SH3PXD2B: variants seen among roughly 807,000 people sequenced by gnomAD.
SH3PXD2B encodes SH3 and PX domain-containing protein 2B.
Under a neutral mutation model 73.1 loss-of-function variants are expected in SH3PXD2B, and 37 were observed. The observed-to-expected ratio is 0.51, with a 90% confidence interval of 0.39 to 0.67. The LOEUF is 0.67. Ranked by LOEUF, SH3PXD2B falls within the 30% of genes least tolerant of loss-of-function variation. SH3PXD2B has a pLI of 0.00. For missense variants in SH3PXD2B, 1,053 were observed against 1,197.8 expected (o/e 0.88, Z 1.78); for synonymous variants, 457 against 480.5 (o/e 0.95, Z 0.64).
chr5:172,368,710 T>TA (rs1757627449), intron 6 of SH3PXD2B, among the ~76,000 whole-genome samples: 1 of 83,024 alleles, frequency 1.2e-5, no homozygotes, highest in South Asian at 3.6e-4. Flanking sequence ...TATATATATA[T>TA]TATATATATA....
chr5:172,350,372 C>T lies in SH3PXD2B; in HGVS notation c.1003G>A (p.Ala335Thr), dbSNP rs752574042. The T allele has an allele frequency of 1.1e-5, 18 of 1,613,380 alleles. No homozygotes were observed. Among genetic ancestry groups the T allele is most frequent in the East Asian group, 6.7e-5 (3 of 44,864 alleles). ...GGCGGGTGTCACTCACTCTGCTTGG[C>T]GTCACCGTCGGGCACCGGGCGGCCT... The part of the protein sequence containing the change: ...FEGRPVPDGD[A>T]KQRSPKMRQR... Residue 335 changes from alanine (A) to threonine (T), a missense_variant, in exon 10 of 13, where the codon GCC becomes ACC. Ala to Thr is a moderately conservative substitution (Grantham distance 58). Coordinates refer to ENST00000311601, the MANE Select transcript of SH3PXD2B (RefSeq NM_001017995.3).
intron 12 of SH3PXD2B, chr5:172,325,416 C>T (rs1454088840): frequency 1.4e-6 from 2 of 1,442,706 alleles, no homozygotes. Flanking sequence ...AGCAAATCTT[C>T]AGTCCTTTCC....
At chr5:172,348,095 T>C (rs558249864) in intron 10 of SH3PXD2B, among the ~76,000 whole-genome samples, 13 of 152,246 alleles carry the variant, frequency 8.5e-5, no homozygotes, top group African/African-American at 3.1e-4. Flanking sequence ...AAATTCCCAT[T>C]TACCTGTCTT....
At position 172,334,800 on chromosome 5, in the gene SH3PXD2B, T is replaced by C; in HGVS notation, c.*3569A>G. 3.0e-6 allele frequency: 3 copies of C among 985,516 alleles called. No homozygotes were observed. The highest frequency in any genetic ancestry group is 3.6e-6 in the Non-Finnish European group (3 of 829,970). The allele number at this position is 985,516 out of a possible 1,614,324, so 61.0% of individuals were successfully genotyped here. On this transcript the variant is annotated 3_prime_UTR_variant, in exon 13 of 13. Transcript: ENST00000311601. ...TCAGCCTAAGGTCCTTCTCAAGTCCTGGCACACTCAGCACTTGCTCTTTAA... is the reference window on the plus strand; with the variant it reads ...TCAGCCTAAGGTCCTTCTCAAGTCCCGGCACACTCAGCACTTGCTCTTTAA...
chr5:172,357,293 G>T (rs973550181), intron 8 of SH3PXD2B, among the ~76,000 whole-genome samples: 2 of 151,616 alleles, frequency 1.3e-5, no homozygotes, highest in Non-Finnish European at 2.9e-5. Flanking sequence ...GCGTGGTGGT[G>T]CATGCCTGTA....
rs930716758 is a variant in SH3PXD2B at position 172,337,169 on chromosome 5, C to T, written c.*1200G>A. ...GTCATGGAGATGCAGCTGTTGAGTC[C>T]AGGGCAGCCTTTGGTATAGGCTGCT... On this transcript the variant is annotated 3_prime_UTR_variant, in exon 13 of 13. Coordinates refer to ENST00000311601, the MANE Select transcript of SH3PXD2B (RefSeq NM_001017995.3). 1.1e-5 allele frequency: 11 copies of T among 985,412 alleles called. No individual in the cohort carries two copies. Among genetic ancestry groups the T allele is most frequent in the South Asian group, 9.4e-5 (2 of 21,288 alleles). 61.0% of individuals were successfully genotyped at this position (985,412 alleles called of 1,614,324 possible). A position where few individuals can be genotyped will look rare whatever the true frequency, so the allele number is the denominator to read the frequency against.
chr5:172,415,868 C>T (rs771895835), intron 2 of SH3PXD2B, among the ~76,000 whole-genome samples: 9 of 152,278 alleles, frequency 5.9e-5, no homozygotes, highest in South Asian at 2.1e-4. Flanking sequence ...GGGAAGGACC[C>T]GACACCAGGT....
chr5:172,452,617 A>T (rs955715217), intron 1 of SH3PXD2B, among the ~76,000 whole-genome samples: 1 of 152,006 alleles, frequency 6.6e-6, no homozygotes, highest in Admixed American at 6.6e-5. Flanking sequence ...GTGATAGGAG[A>T]GGCCAGAAGA....
chr5:172,353,826 C>T lies in SH3PXD2B; in HGVS notation c.785+62G>A. ...TCTGTGAGGCCAGAGTCCCTGTGAC[C>T]CCAAACCCACCCAGCGTGACCCCAA... On this transcript the variant is annotated intron_variant, in intron 9 of 12. Transcript: ENST00000311601. This position sits in a 1 kb window ranked among gnomAD's most constrained non-coding sequence, Gnocchi z 4.3. 7.2e-7 allele frequency: 1 copy of T among 1,388,748 alleles called. No homozygotes were observed. Among genetic ancestry groups the T allele is most frequent in the Non-Finnish European group, 1.0e-6 (1 of 976,264 alleles). 86.0% of individuals were successfully genotyped at this position (1,388,748 alleles called of 1,614,324 possible).
chr5:172,329,010 T>TATATATAC (rs1210395738), downstream of SH3PXD2B, among the ~76,000 whole-genome samples: 6 of 125,988 alleles, frequency 4.8e-5, no homozygotes, highest in East Asian at 1.3e-3. Context: ...GATACACACA[T>TATATATAC]ATATATACAT....
intron 2 of SH3PXD2B, among the ~76,000 whole-genome samples, chr5:172,414,812 G>GC (rs943739459): frequency 2.0e-5 from 3 of 152,138 alleles, no homozygotes; most frequent in South Asian, 2.1e-4. Flanking sequence ...CTGGTTCTGT[G>GC]CCCCCCTGCC....
rs151202498 is a variant in SH3PXD2B, at chr5:172,351,987, T to C, written c.786-1398A>G. On this transcript the variant is annotated intron_variant, in intron 9 of 12. Coordinates refer to ENST00000311601, the MANE Select transcript of SH3PXD2B (RefSeq NM_001017995.3). ...ATGGGAGGCGATGTGCAGTGCTGAC[T>C]GGGCTCTGGGGTGAGAAGGGAATGG... 7.0e-3 allele frequency among the ~76,000 whole-genome samples: 1,059 copies of C among 152,266 alleles called. 10 individuals carry two copies. Among genetic ancestry groups the C allele is most frequent in the South Asian group, 0.026 (123 of 4,822 alleles).
Position 172,359,387 on chromosome 5 carries a change from C to CAAAAAAAAAA in SH3PXD2B, c.563-520_563-511dup, listed in dbSNP as rs70982393. On this transcript the variant is annotated intron_variant, in intron 7 of 12. Transcript: ENST00000311601. Reference sequence around the variant, plus strand: ...GGGCGACAGAGTGAGACCCCCATCTCAAAAAAAAAAAAAAAAAAAAGTATA... The same window carrying CAAAAAAAAAA: ...GGGCGACAGAGTGAGACCCCCATCTCAAAAAAAAAAAAAAAAAAAAAAAAAAAAAAGTATA... 1.1e-3 allele frequency among the ~76,000 whole-genome samples: 96 copies of CAAAAAAAAAA among 84,054 alleles called. 2 individuals carry two copies. Among genetic ancestry groups the CAAAAAAAAAA allele is most frequent in the African/African-American group, 2.9e-3 (61 of 20,762 alleles). 55.1% of individuals were successfully genotyped at this position (84,054 alleles called of 152,430 possible). A position where few individuals can be genotyped will look rare whatever the true frequency, so the allele number is the denominator to read the frequency against.
chr5:172,376,921 C>G (rs1757834525), intron 5 of SH3PXD2B, among the ~76,000 whole-genome samples: 1 of 152,246 alleles, frequency 6.6e-6, no homozygotes, highest in African/African-American at 2.4e-5. Context: ...TGACCACCAC[C>G]TGGACCATCC....
At chr5:172,422,571 C>T in intron 1 of SH3PXD2B, 75 bp from the exon 2 acceptor site, 1 of 1,387,864 alleles carries the variant, frequency 7.2e-7, no homozygotes, top group South Asian at 1.2e-5. Context: ...AGGGGGAGCA[C>T]AAGACTCAGA....
chr5:172,340,289 G>T (rs1443137896), intron 12 of SH3PXD2B, among the ~76,000 whole-genome samples: 1 of 152,318 alleles, frequency 6.6e-6, no homozygotes, highest in South Asian at 2.1e-4. Context: ...ATCTGCCAGG[G>T]ACCCTCTGAG....
Position 172,339,089 on chromosome 5 carries a change from A to G in SH3PXD2B, c.2016T>C (p.Pro672=). ...ACAAGGACTTGTCTTGGGACTTGGC[A>G]GGCCTGAGCTTACTCCTGAGGTTGC... ...DICNLRSKLR[P]AKSQDKSLLD... is the part of the protein sequence containing the mutation. The change falls in exon 13 of 13, where the codon CCT becomes CCC. Residue 672 remains proline (P), a synonymous_variant. Transcript: ENST00000311601. This position sits in a 1 kb window ranked among gnomAD's most constrained non-coding sequence, Gnocchi z 6.1. 1 of 1,614,210 alleles carries G rather than the reference A, an allele frequency of 6.2e-7. No individual in the cohort carries two copies.
intron 1 of SH3PXD2B, among the ~76,000 whole-genome samples, chr5:172,442,331 T>C (rs1759567259): frequency 6.6e-6 from 1 of 152,220 alleles, no homozygotes; most frequent in Non-Finnish European, 1.5e-5. Flanking sequence ...GAAATATTTT[T>C]CAAAATTATG....
At position 172,445,716 on chromosome 5, in the gene SH3PXD2B, C is replaced by G. The variant is rs1759645119; in HGVS notation, c.75+8562G>C. On this transcript the variant is annotated intron_variant, in intron 1 of 12. Transcript: ENST00000311601. The surrounding 1 kb of genome is among the most constrained non-coding windows in gnomAD (Gnocchi z 5.2). ...CATTCTGCATTTTCATTTGCTAACTCTGGCCACCCTCAGCCCTGGGAAAGC... is the reference window on the plus strand; with the variant it reads ...CATTCTGCATTTTCATTTGCTAACTGTGGCCACCCTCAGCCCTGGGAAAGC... 6.6e-6 allele frequency among the ~76,000 whole-genome samples: 1 copy of G among 152,238 alleles called. No homozygotes were observed. Among genetic ancestry groups the G allele is most frequent in the Admixed American group, 6.5e-5 (1 of 15,290 alleles).
Sources: gnomAD v4.1 joint callset for allele counts (sites outside exome capture counted in the v4.1 genomes callset) on GRCh38, gnomAD v4.1.1 for gene constraint, Gnocchi (gnomAD v3.1) non-coding constraint, MANE v1.5 for transcripts, NCBI Gene and HGNC (gene_info 2026-07-23, HGNC 2026-07-21) for gene names.